The following AARS1 variants were observed in gnomAD, a reference collection of about 807,000 sequenced individuals.
AARS1 encodes the protein alanyl-tRNA synthetase 1, also known as alanine--tRNA ligase, cytoplasmic.
A neutral mutation model predicts 108.9 loss-of-function variants in AARS1; 72 were observed. The ratio of observed to expected loss-of-function variants is 0.66; its 90% CI spans 0.55 to 0.80. The LOEUF is 0.80. Among genes scored for constraint, AARS1 ranks in the 30% least tolerant of loss-of-function variants. The pLI, the probability that AARS1 is intolerant of heterozygous loss-of-function variation, is 0.00. For synonymous variants in AARS1, 489 were observed against 465.7 expected, an observed-to-expected ratio of 1.05 and a Z score of -0.64; for missense variants, 1,193 against 1,233.2, an observed-to-expected ratio of 0.97 and a Z score of 0.49.
chr16:70,257,980 C>G, intron 15 of AARS1, 53 bp downstream of exon 15: 1 of 1,601,374 alleles, frequency 6.2e-7, no homozygotes, highest in South Asian at 1.1e-5. Flanking sequence ...GACCTACATC[C>G]TCAGAGGATG....
rs371633904 is a variant in AARS1, at chr16:70,255,850, C to A, written c.2178-14G>T. The A allele has an allele frequency of 7.5e-6, 12 of 1,609,022 alleles. No individual in the cohort carries two copies. Among genetic ancestry groups the A allele is most frequent in the Middle Eastern group, 1.7e-4 (1 of 6,058 alleles). On this transcript the variant is annotated splice_polypyrimidine_tract_variant and intron_variant, in intron 15 of 20. Coordinates refer to ENST00000261772, the MANE Select transcript of AARS1 (RefSeq NM_001605.3). Reference sequence around the variant, plus strand: ...TTCCGCAGGTGCCTGAATGGCAGAACACAAAGTCCATAGTGAAAGAGGCCC... The same window carrying A: ...TTCCGCAGGTGCCTGAATGGCAGAAAACAAAGTCCATAGTGAAAGAGGCCC...
chr16:70,277,416 A>C (rs1597446375), intron 2 of AARS1, among the ~76,000 whole-genome samples: 1 of 152,352 alleles, frequency 6.6e-6, no homozygotes, highest in South Asian at 2.1e-4. Context: ...AAGGCCTGCC[A>C]GATCTAACAG....
At chr16:70,259,484 C>T (rs1960083067) in intron 13 of AARS1, among the ~76,000 whole-genome samples, 1 of 152,084 alleles carries the variant, frequency 6.6e-6, no homozygotes, top group Admixed American at 6.6e-5. Flanking sequence ...AGCCTGTCAT[C>T]TGTCTTTTCA....
At chr16:70,287,254 C>CA (rs71151181) in intron 1 of AARS1, among the ~76,000 whole-genome samples, 13,128 of 39,430 alleles carry the variant, frequency 0.33, 2,011 homozygotes, top group Middle Eastern at 0.47. Flanking sequence ...GACTCCGTCT[C>CA]AAAAAAAAAA....
intron 20 of AARS1, among the ~76,000 whole-genome samples, 160 bp from the exon 21 acceptor site, chr16:70,253,066 G>A (rs1959881961): frequency 6.6e-6 from 1 of 152,242 alleles, no homozygotes; most frequent in Admixed American, 6.5e-5. Context: ...GGCGGCCATG[G>A]CCACTGCCAG....
chr16:70,259,304 G>C, intron 13 of AARS1, 118 bp from the exon 14 acceptor site: 1 of 1,097,896 alleles, frequency 9.1e-7, no homozygotes, highest in East Asian at 2.5e-5. Context: ...GCAGAATAAA[G>C]GTTACATTTC....
intron 15 of AARS1, 110 bp downstream of exon 15, chr16:70,257,923 G>T: frequency 8.1e-7 from 1 of 1,233,566 alleles, no homozygotes; most frequent in Non-Finnish European, 1.2e-6. Context: ...CGGCATTTCT[G>T]AGGACTTCAC....
At chr16:70,263,658 A>T (rs957227604) in intron 11 of AARS1, among the ~76,000 whole-genome samples, 6 of 151,844 alleles carry the variant, frequency 4.0e-5, no homozygotes, top group Admixed American at 1.3e-4. Flanking sequence ...TTTTTGAGAC[A>T]GGGTCTCACT....
intron 4 of AARS1, chr16:70,276,237 TAAA>T (rs1297330926): frequency 4.1e-6 from 1 of 245,802 alleles, no homozygotes; most frequent in Non-Finnish European, 7.8e-6. Context: ...AATAAATAAA[TAAA>T]GATATTAATG....
At chr16:70,273,719 C>T (rs528052380) in intron 4 of AARS1, among the ~76,000 whole-genome samples, 13 of 151,598 alleles carry the variant, frequency 8.6e-5, no homozygotes, top group African/African-American at 2.4e-4. Flanking sequence ...AAAAATTAGC[C>T]GGGCGTGGTG....
intron 9 of AARS1, 26 bp from the exon 10 acceptor site, chr16:70,265,688 A>C (rs1272142451): frequency 1.3e-6 from 2 of 1,577,312 alleles, no homozygotes; most frequent in Non-Finnish European, 1.7e-6. Flanking sequence ...GAGGTGTGTC[A>C]AAAAAAACAG....
chr16:70,264,409 C>T (rs59869320), intron 11 of AARS1, among the ~76,000 whole-genome samples: 1 of 151,730 alleles, frequency 6.6e-6, no homozygotes. Context: ...CTCTGCCTCC[C>T]AGGTTCAGGC....
Position 70,252,604 on chromosome 16 carries a change from A to C in AARS1, c.*117T>G. On this transcript the variant is annotated 3_prime_UTR_variant, in exon 21 of 21. Transcript: ENST00000261772. ...ATAGGACTGCTCCCAAGTGTGTTCC[A>C]GTTACTGCTGGGTTAGGAGGGGCTC... 3 of 1,170,140 alleles carry C rather than the reference A, an allele frequency of 2.6e-6. No individual in the cohort carries two copies. In the South Asian group the frequency reaches 3.8e-5, roughly 15 times the overall value. The allele number at this position is 1,170,140 out of a possible 1,614,324, so 72.5% of individuals were successfully genotyped here.
At position 70,258,044 on chromosome 16, in the gene AARS1, G is replaced by C. The variant is rs115882953; in HGVS notation, c.2166C>G (p.Phe722Leu). The stretch of plus-strand genomic sequence containing the variant: ...TCTGCAGTACTCACGTTCCCCCACA[G>C]AACTCAACAGAAGTCAGGGAGCCAG... ...GPAGSLTSVEFCGGTHLRNSS... is the reference protein window; with the variant it reads ...GPAGSLTSVELCGGTHLRNSS... The change falls in exon 15 of 21, where the codon TTC becomes TTG. Residue 722 changes from phenylalanine to leucine, a missense_variant. Phe to Leu is a conservative substitution (Grantham distance 22). Transcript: ENST00000261772. 2 of 1,614,012 alleles carry C rather than the reference G, an allele frequency of 1.2e-6. No individual in the cohort carries two copies. The highest frequency in any genetic ancestry group is 1.7e-6 in the Non-Finnish European group (2 of 1,180,022).
chr16:70,271,825 A>C lies in AARS1; in HGVS notation c.627T>G (p.Pro209=). 6.2e-7 allele frequency: 1 copy of C among 1,613,904 alleles called. No homozygotes were observed. Among genetic ancestry groups the C allele is most frequent in the Non-Finnish European group, 8.5e-7 (1 of 1,179,812 alleles). ...DAAHLVNQDD[P]NVLEIWNLVF... is the part of the protein sequence containing the mutation. ...CAAGGTTCCAGATCTCCAGCACATT[A>C]GGGTCGTCCTGGTTGACAAGATGTG... is the stretch of plus-strand genomic sequence containing the variant. The change falls in exon 5 of 21, where the codon CCT becomes CCG. Residue 209 remains proline, a synonymous_variant. Transcript: ENST00000261772.
At chr16:70,261,458 C>T (rs1048034888) in intron 12 of AARS1, 5 of 326,272 alleles carry the variant, frequency 1.5e-5, no homozygotes, top group East Asian at 8.2e-5. Flanking sequence ...ATTAGCCAGG[C>T]GTGAAGGCAA....
chr16:70,260,788 G>T (rs1176778673), intron 13 of AARS1, among the ~76,000 whole-genome samples: 2 of 151,896 alleles, frequency 1.3e-5, no homozygotes, highest in Non-Finnish European at 2.9e-5. Flanking sequence ...TCAGCCTCCC[G>T]AGTAGCTGGG....
chr16:70,264,879 A>C, intron 11 of AARS1, 79 bp downstream of exon 11: 1 of 1,580,218 alleles, frequency 6.3e-7, no homozygotes, highest in South Asian at 1.1e-5. Context: ...CTGGAGAGCT[A>C]ATCTTGAGAA....
chr16:70,283,132 C>G (rs1441393336), intron 1 of AARS1, among the ~76,000 whole-genome samples: 1 of 152,184 alleles, frequency 6.6e-6, no homozygotes, highest in Non-Finnish European at 1.5e-5. Flanking sequence ...GGCACGATGG[C>G]TCACGCCTGT....
Sources: allele counts gnomAD v4.1 joint callset (sites outside exome capture counted in the v4.1 genomes callset), GRCh38; gene constraint gnomAD v4.1.1; transcripts MANE v1.5; gene names NCBI Gene and HGNC (gene_info 2026-07-23, HGNC 2026-07-21).